The following KAT6A variants were observed in gnomAD, a reference collection of about 807,000 sequenced individuals.
The protein encoded by KAT6A is histone acetyltransferase KAT6A.
Under a neutral mutation model 198.4 loss-of-function variants are expected in KAT6A, and 9 were observed. The ratio of observed to expected loss-of-function variants is 0.05; its 90% CI spans 0.03 to 0.08. The LOEUF (loss-of-function observed/expected upper bound fraction) is 0.08. KAT6A is among the 10% of genes least tolerant of loss of function. KAT6A has a pLI of 1.00. For missense variants in KAT6A, 2,077 were observed against 2,509.9 expected, an observed-to-expected ratio of 0.83 and a Z score of 3.69; for synonymous variants, 890 against 883.0, an observed-to-expected ratio of 1.01 and a Z score of -0.14.
At position 41,942,569 on chromosome 8, in the gene KAT6A, T is replaced by C. The variant is rs922477899; in HGVS notation, c.2436+224A>G. On this transcript the variant is annotated intron_variant, in intron 14 of 16. Coordinates refer to ENST00000265713, the MANE Select transcript of KAT6A (RefSeq NM_006766.5). Reference sequence around the variant, plus strand: ...AAATATTTTTCTCACAAGTAACACATTATAAGAAATTTGATGGTCTCCTCC... The same window carrying C: ...AAATATTTTTCTCACAAGTAACACACTATAAGAAATTTGATGGTCTCCTCC... 1.9e-5 allele frequency: 10 copies of C among 539,702 alleles called. No homozygotes were observed. The East Asian group carries it at 2.5e-4, about 14-fold the overall frequency. 33.4% of individuals were successfully genotyped at this position (539,702 alleles called of 1,614,324 possible).
At chr8:41,940,016 TA>T (rs1822031417) in intron 15 of KAT6A, among the ~76,000 whole-genome samples, 1 of 152,208 alleles carries the variant, frequency 6.6e-6, no homozygotes, top group South Asian at 2.1e-4. Flanking sequence ...ATATTATTCT[TA>T]AAACAAAACA....
chr8:41,996,483 C>T (rs1351163324), intron 2 of KAT6A, among the ~76,000 whole-genome samples: 1 of 152,156 alleles, frequency 6.6e-6, no homozygotes, highest in Non-Finnish European at 1.5e-5. Flanking sequence ...GATTTAAATA[C>T]AAAACATCTA....
chr8:41,993,724 G>C (rs1418395962), intron 2 of KAT6A, among the ~76,000 whole-genome samples: 1 of 152,164 alleles, frequency 6.6e-6, no homozygotes, highest in Non-Finnish European at 1.5e-5. Context: ...TCTAGGTTAA[G>C]ACACAGTCTA....
intron 2 of KAT6A, among the ~76,000 whole-genome samples, chr8:42,042,029 C>T (rs1226421205): frequency 1.3e-5 from 2 of 152,126 alleles, no homozygotes; most frequent in African/African-American, 4.8e-5. Context: ...TTGAAATTTC[C>T]AAGCTTATAT....
intron 8 of KAT6A, among the ~76,000 whole-genome samples, chr8:41,960,884 A>T (rs566083141): frequency 1.7e-4 from 26 of 152,170 alleles, no homozygotes; most frequent in Admixed American, 8.5e-4. Context: ...TAGACCTTTA[A>T]CTCTCTAGTT....
chr8:41,967,707 T>A (rs1414266530), intron 8 of KAT6A, among the ~76,000 whole-genome samples: 1 of 152,132 alleles, frequency 6.6e-6, no homozygotes, highest in Admixed American at 6.5e-5. Context: ...TGTTGGACAT[T>A]TGGGTTGGTT....
intron 16 of KAT6A, among the ~76,000 whole-genome samples, chr8:41,935,459 T>C (rs1265341076): frequency 6.6e-6 from 1 of 152,188 alleles, no homozygotes; most frequent in African/African-American, 2.4e-5. Context: ...AAGCATTTAT[T>C]TAGTCCTAGA....
At chr8:41,989,021 G>C (rs1824772394) in intron 2 of KAT6A, among the ~76,000 whole-genome samples, 1 of 152,166 alleles carries the variant, frequency 6.6e-6, no homozygotes, top group Non-Finnish European at 1.5e-5. Context: ...TACCATGATA[G>C]AACTATAGTA....
At chr8:42,041,064 G>A (rs200424702) in intron 2 of KAT6A, among the ~76,000 whole-genome samples, 11 of 151,078 alleles carry the variant, frequency 7.3e-5, no homozygotes, top group Non-Finnish European at 1.0e-4. Context: ...GCATGGTGGC[G>A]CATGCCTGTA....
chr8:41,968,064 G>A (rs1173848603), intron 8 of KAT6A, among the ~76,000 whole-genome samples: 1 of 151,998 alleles, frequency 6.6e-6, no homozygotes, highest in Non-Finnish European at 1.5e-5. Context: ...ATAGGCATGG[G>A]CAAGGACTTC....
intron 2 of KAT6A, among the ~76,000 whole-genome samples, chr8:41,996,576 G>A (rs551043354): frequency 6.6e-6 from 1 of 152,146 alleles, no homozygotes; most frequent in Admixed American, 6.5e-5. Flanking sequence ...TGGGCCATGA[G>A]GGCTCCACCC....
chr8:42,051,273 C>G (rs1452701523), intron 1 of KAT6A, among the ~76,000 whole-genome samples: 3 of 151,960 alleles, frequency 2.0e-5, no homozygotes, highest in Admixed American at 1.3e-4. Context: ...GCTGGGCTGA[C>G]AGCCCGGCAG....
chr8:42,015,219 C>T (rs1220623555), intron 2 of KAT6A, among the ~76,000 whole-genome samples: 2 of 152,152 alleles, frequency 1.3e-5, no homozygotes, highest in Non-Finnish European at 1.5e-5. Context: ...AAAAAGAATC[C>T]GGACTACCAA....
At chr8:42,010,880 G>T (rs886479372) in intron 2 of KAT6A, among the ~76,000 whole-genome samples, 6 of 152,108 alleles carry the variant, frequency 3.9e-5, no homozygotes, top group African/African-American at 1.2e-4. Context: ...TTCCTCTGGG[G>T]TCACTAAAAT....
At chr8:42,030,737 T>C (rs1827067126) in intron 2 of KAT6A, among the ~76,000 whole-genome samples, 1 of 151,770 alleles carries the variant, frequency 6.6e-6, no homozygotes, top group South Asian at 2.1e-4. Flanking sequence ...ACAAATTTTT[T>C]GTTGTTGTTG....
intron 6 of KAT6A, chr8:41,977,605 T>G (rs1430360719): frequency 3.4e-6 from 1 of 294,908 alleles, no homozygotes. Context: ...GCTGTACGAC[T>G]TGGACAAATC....
In KAT6A at chr8:41,940,889, G is replaced by C. The variant is rs777413662; in HGVS notation, c.2992C>G (p.Arg998Gly). The change falls in exon 15 of 17, where the codon CGG becomes GGG. Residue 998 changes from arginine (R) to glycine (G), a missense_variant. By Grantham distance (125) the Arg-to-Gly change is moderately radical (BLOSUM62 -2). Transcript: ENST00000265713. The part of the protein sequence containing the change: ...SEEEEEPESP[R>G]SSSPPILTKP... ...GTGAGAATTGGTGGCGAGCTTGACC[G>C]AGGGCTTTCCGGCTCCTCCTCCTCC... 1 of 1,613,724 alleles carries C rather than the reference G, an allele frequency of 6.2e-7. No homozygotes were observed. Among genetic ancestry groups the C allele is most frequent in the East Asian group, 2.2e-5 (1 of 44,892 alleles).
Position 41,955,379 on chromosome 8 carries a change from T to G in KAT6A, c.1515A>C (p.Gln505His). 6.2e-7 allele frequency: 1 copy of G among 1,612,972 alleles called. No homozygotes were observed. The highest frequency in any genetic ancestry group is 1.1e-5 in the South Asian group (1 of 90,986). ...ACTCAATGACAGAGGGACAGCGGACTTGTGGATCAGGGGGACCAGTCACTC... is the reference window on the plus strand; with the variant it reads ...ACTCAATGACAGAGGGACAGCGGACGTGTGGATCAGGGGGACCAGTCACTC... ...KVGVTGPPDP[Q>H]VRCPSVIEFG... The change falls in exon 9 of 17, where the codon CAA (glutamine) becomes CAC (histidine). Residue 505 changes from glutamine to histidine, a missense_variant. Physicochemically the swap from Gln to His is conservative, Grantham distance 24. This residue lies in a region of KAT6A where 206 missense variants were observed against 214.9 expected (regional missense o/e 0.96). Transcript: ENST00000265713.
chr8:41,934,974 C>T (rs1380806445), intron 16 of KAT6A, 107 bp from the exon 17 acceptor site: 1 of 861,320 alleles, frequency 1.2e-6, no homozygotes, highest in East Asian at 2.5e-5. Context: ...TTAATCATTA[C>T]TTTTATAAAC....
Sources: allele counts gnomAD v4.1 joint callset (sites outside exome capture counted in the v4.1 genomes callset), GRCh38; gene constraint gnomAD v4.1.1; regional missense constraint gnomAD v4.1.1; transcripts MANE v1.5; gene names NCBI Gene and HGNC (gene_info 2026-07-23, HGNC 2026-07-21).